The following FGF14 variants were observed in gnomAD, a reference collection of about 807,000 sequenced individuals.
FGF14 encodes fibroblast growth factor 14.
Under a neutral mutation model 25.5 loss-of-function variants are expected in FGF14, and 5 were observed. That is an observed-to-expected ratio of 0.20 (90% CI 0.10 to 0.41). The LOEUF (loss-of-function observed/expected upper bound fraction) is 0.41, where lower values mean the gene tolerates loss of function less well. Among genes scored for constraint, FGF14 ranks in the 10% least tolerant of loss-of-function variants. FGF14 has a pLI of 1.00. For missense variants in FGF14, 222 were observed against 320.1 expected (o/e 0.69, Z 2.34); for synonymous variants, 138 against 118.3 (o/e 1.17, Z -1.08).
At chr13:102,286,981 G>A (rs1008857338) in intron 1 of FGF14, among the ~76,000 whole-genome samples, 1 of 151,976 alleles carries the variant, frequency 6.6e-6, no homozygotes, top group African/African-American at 2.4e-5. Flanking sequence ...AATAGTCATG[G>A]GGGAGGGGGA....
chr13:102,360,096 G>T (rs1415039), intron 1 of FGF14, among the ~76,000 whole-genome samples: 2,473 of 152,126 alleles, frequency 0.016, 57 homozygotes, highest in African/African-American at 0.049. Flanking sequence ...TTACTCATTT[G>T]CCCCTTCAGC....
chr13:101,927,747 G>A (rs552863930), intron 1 of FGF14, among the ~76,000 whole-genome samples: 4 of 152,138 alleles, frequency 2.6e-5, no homozygotes, highest in Admixed American at 1.3e-4. Context: ...CTGCCTCTCC[G>A]GGGATCATTT....
intron 1 of FGF14, among the ~76,000 whole-genome samples, chr13:102,160,418 G>T (rs1297815749): frequency 1.3e-5 from 2 of 152,196 alleles, no homozygotes; most frequent in Non-Finnish European, 2.9e-5. Flanking sequence ...GCAGGAAAGG[G>T]CTGCTACGTC....
chr13:102,388,920 C>T (rs867146879), intron 1 of FGF14, among the ~76,000 whole-genome samples: 6 of 152,162 alleles, frequency 3.9e-5, no homozygotes, highest in South Asian at 2.1e-4. Flanking sequence ...TTCACTAAGC[C>T]GCTAAAATAT....
intron 1 of FGF14, among the ~76,000 whole-genome samples, chr13:102,231,281 A>G (rs988236664): frequency 6.6e-6 from 1 of 152,218 alleles, no homozygotes; most frequent in African/African-American, 2.4e-5. Context: ...GGTCACATAA[A>G]ATAAGTACTC....
At chr13:101,923,047 T>C (rs1403006433) in intron 1 of FGF14, among the ~76,000 whole-genome samples, 4 of 152,118 alleles carry the variant, frequency 2.6e-5, no homozygotes, top group Non-Finnish European at 5.9e-5. Context: ...GGTACTTCGA[T>C]GAAAGAAATA....
At chr13:102,383,883 G>A (rs988785623) in intron 1 of FGF14, among the ~76,000 whole-genome samples, 1 of 151,878 alleles carries the variant, frequency 6.6e-6, no homozygotes, top group Admixed American at 6.6e-5. Context: ...ATCTGAAATG[G>A]GGTATCACAC....
chr13:102,332,694 G>A (rs1379157346), intron 1 of FGF14, among the ~76,000 whole-genome samples: 1 of 152,022 alleles, frequency 6.6e-6, no homozygotes, highest in Non-Finnish European at 1.5e-5. Context: ...TCAAGTGCTG[G>A]TTGAAATGTT....
At chr13:101,829,401 T>G (rs548991437) in intron 3 of FGF14, among the ~76,000 whole-genome samples, 4 of 152,186 alleles carry the variant, frequency 2.6e-5, no homozygotes, top group African/African-American at 9.6e-5. Flanking sequence ...AAAAATTGTA[T>G]AAATCACAAA....
intron 1 of FGF14, among the ~76,000 whole-genome samples, chr13:102,326,745 AGGAAG>A (rs2056461022): frequency 1.0e-5 from 1 of 98,792 alleles, no homozygotes; most frequent in African/African-American, 4.1e-5. Flanking sequence ...GAAGGAAGGA[AGGAAG>A]GAAAGAGGGA....
intron 3 of FGF14, among the ~76,000 whole-genome samples, chr13:101,864,962 AG>A (rs2044621769): frequency 6.6e-6 from 1 of 152,138 alleles, no homozygotes; most frequent in African/African-American, 2.4e-5. Context: ...CTGACAGATG[AG>A]GGGGCAGACT....
intron 1 of FGF14, among the ~76,000 whole-genome samples, chr13:102,377,928 T>A (rs2139152361): frequency 6.6e-6 from 1 of 152,318 alleles, no homozygotes; most frequent in East Asian, 1.9e-4. Context: ...AAACACAAAC[T>A]GTTCTAGGCT....
At chr13:102,188,907 C>T (rs1167685489) in intron 1 of FGF14, among the ~76,000 whole-genome samples, 2 of 143,078 alleles carry the variant, frequency 1.4e-5, no homozygotes, top group African/African-American at 5.3e-5. Flanking sequence ...CACCACTGCA[C>T]TCCAGCCTGA....
At chr13:101,878,731 T>C (rs914421713) in intron 1 of FGF14, among the ~76,000 whole-genome samples, 2 of 152,088 alleles carry the variant, frequency 1.3e-5, no homozygotes, top group African/African-American at 2.4e-5. Flanking sequence ...AAAGACAATC[T>C]GAAATATAGT....
chr13:102,120,967 G>A (rs1004467920), intron 1 of FGF14, among the ~76,000 whole-genome samples: 1 of 152,172 alleles, frequency 6.6e-6, no homozygotes, highest in African/African-American at 2.4e-5. Flanking sequence ...GCCTCCCAAA[G>A]TGCTGGGATT....
intron 1 of FGF14, among the ~76,000 whole-genome samples, chr13:102,254,349 T>C (rs1438570776): frequency 6.6e-6 from 1 of 152,176 alleles, no homozygotes; most frequent in Non-Finnish European, 1.5e-5. Context: ...ACTGGAGCTC[T>C]GGATCAGATC....
intron 3 of FGF14, among the ~76,000 whole-genome samples, chr13:101,800,161 T>C (rs1009075195): frequency 2.0e-5 from 3 of 151,836 alleles, no homozygotes; most frequent in Admixed American, 6.6e-5. Context: ...TCATTATGGG[T>C]TGTGTGTCAG....
intron 1 of FGF14, among the ~76,000 whole-genome samples, chr13:102,027,871 T>G (rs61966509): frequency 0.032 from 4,892 of 152,144 alleles, 111 homozygotes; most frequent in African/African-American, 0.057. Context: ...TCTCGATGAC[T>G]ATTATTGTTG....
At chr13:101,950,755 T>TG (rs1207978524) in intron 1 of FGF14, among the ~76,000 whole-genome samples, 8 of 96,670 alleles carry the variant, frequency 8.3e-5, no homozygotes, top group Non-Finnish European at 1.3e-4. Context: ...AATCATGTTT[T>TG]TTTTTTTTTT....
Sources: allele counts gnomAD v4.1 joint callset (sites outside exome capture counted in the v4.1 genomes callset), GRCh38; gene constraint gnomAD v4.1.1; transcripts MANE v1.5; gene names NCBI Gene and HGNC (gene_info 2026-07-23, HGNC 2026-07-21).